FRMD6: variants seen among roughly 807,000 people sequenced by gnomAD.
FRMD6 encodes FERM domain containing 6.
In FRMD6, 37 loss-of-function variants were observed where a neutral mutation model predicts 73.2. That is an observed-to-expected ratio of 0.51 (90% confidence interval 0.39 to 0.66). The LOEUF (loss-of-function observed/expected upper bound fraction) is 0.66. FRMD6 is among the 30% of genes least tolerant of loss of function. The probability of loss-of-function intolerance (pLI) is 0.00; values close to 1 mark genes in which losing one functional copy is unlikely to be tolerated. For synonymous variants in FRMD6, 273 were observed against 282.2 expected, an observed-to-expected ratio of 0.97 and a Z score of 0.33; for missense variants, 714 against 780.5, an observed-to-expected ratio of 0.91 and a Z score of 1.02.
intron 2 of FRMD6, chr14:51,579,055 A>T (rs562722759): frequency 6.6e-6 from 1 of 152,314 alleles, no homozygotes; most frequent in East Asian, 1.9e-4. Flanking sequence ...GGGGCTGAAG[A>T]TGTATCACTT....
At chr14:51,508,027 G>A (rs931919833) in intron 1 of FRMD6, among the ~76,000 whole-genome samples, 5 of 152,082 alleles carry the variant, frequency 3.3e-5, no homozygotes, top group Admixed American at 2.0e-4. Flanking sequence ...GCCTCCCCCT[G>A]CTACTGAGCG....
chr14:51,670,359 C>T (rs562391475), intron 1 of FRMD6, among the ~76,000 whole-genome samples: 5 of 152,284 alleles, frequency 3.3e-5, no homozygotes, highest in Non-Finnish European at 5.9e-5. Context: ...CATGAGCCAC[C>T]GCACCTGGCC....
chr14:51,655,840 G>T (rs576008843), intron 1 of FRMD6, among the ~76,000 whole-genome samples: 1 of 152,192 alleles, frequency 6.6e-6, no homozygotes, highest in Non-Finnish European at 1.5e-5. Flanking sequence ...GCCTGTCTTT[G>T]TGTTGAATCA....
intron 1 of FRMD6, among the ~76,000 whole-genome samples, chr14:51,513,350 G>T (rs1884426659): frequency 6.6e-6 from 1 of 152,200 alleles, no homozygotes; most frequent in South Asian, 2.1e-4. Flanking sequence ...GGTGACTGTT[G>T]CCTCTTTTGA....
At chr14:51,480,909 T>C in the FRMD6 span, among the ~76,000 whole-genome samples, 2 of 152,244 alleles carry the variant, frequency 1.3e-5, no homozygotes, top group Non-Finnish European at 2.9e-5. Flanking sequence ...TAGCTCACTT[T>C]ACCTCAGTGA....
At chr14:51,437,024 A>C in the FRMD6 span, 1 of 585,532 alleles carries the variant, frequency 1.7e-6, no homozygotes, top group South Asian at 1.7e-5. Flanking sequence ...TCTGGGATAC[A>C]TGTGCACAAC....
At chr14:51,620,628 G>A (rs532439604) in intron 2 of FRMD6, among the ~76,000 whole-genome samples, 3 of 152,278 alleles carry the variant, frequency 2.0e-5, no homozygotes, top group South Asian at 2.1e-4. Context: ...CCCTAGGAAT[G>A]TCACCTTTCC....
At chr14:51,520,515 A>G (rs939144084) in intron 1 of FRMD6, among the ~76,000 whole-genome samples, 30 of 152,256 alleles carry the variant, frequency 2.0e-4, no homozygotes, top group Non-Finnish European at 2.9e-5. Context: ...TATCCTTAAT[A>G]GTCAAATACT....
At chr14:51,517,134 G>T (rs1884679122) in intron 1 of FRMD6, among the ~76,000 whole-genome samples, 1 of 152,144 alleles carries the variant, frequency 6.6e-6, no homozygotes, top group Non-Finnish European at 1.5e-5. Context: ...CTAAAATTTG[G>T]AACTGGGAAA....
intron 7 of FRMD6, 43 bp from the exon 8 acceptor site, chr14:51,711,487 AT>A: frequency 7.5e-7 from 1 of 1,338,328 alleles, no homozygotes; most frequent in Non-Finnish European, 1.0e-6. Flanking sequence ...TGTAGAAAAA[AT>A]ATATAAAAAC....
At position 51,712,484 on chromosome 14, in the gene FRMD6, A is replaced by G. The variant is rs1040567458; in HGVS notation, c.782A>G (p.Asn261Ser). 6.3e-7 allele frequency: 1 copy of G among 1,577,374 alleles called. No homozygotes were observed. Among genetic ancestry groups the G allele is most frequent in the African/African-American group, 1.4e-5 (1 of 74,014 alleles). ...LTMRGIQIFQ[N>S]LDEEKQLLYD... ...TCCATATGCATATTCTTTTCACAGAATTTAGATGAAGAGAAACAATTACTT... is the reference window on the plus strand; with the variant it reads ...TCCATATGCATATTCTTTTCACAGAGTTTAGATGAAGAGAAACAATTACTT... Residue 261 changes from asparagine to serine, a missense_variant and splice_region_variant, in exon 9 of 14, where the codon AAT (asparagine) becomes AGT (serine). Coordinates refer to ENST00000344768, the MANE Select transcript of FRMD6 (RefSeq NM_001267046.2).
At chr14:51,408,508 A>ATC in the FRMD6 span, among the ~76,000 whole-genome samples, 1 of 151,992 alleles carries the variant, frequency 6.6e-6, no homozygotes, top group African/African-American at 2.4e-5. Flanking sequence ...ATTTCTTCTG[A>ATC]TCTCTCTTCC....
rs564174420 is a variant in FRMD6, at chr14:51,635,466, A to T, written c.-146-54225A>T. On this transcript the variant is annotated intron_variant, in intron 2 of 14. Transcript: ENST00000356218. Reference sequence around the variant, plus strand: ...ACCCAATGCCATTCTGAATTACAGGAGCCCAAGTACTGGCAAACACAATCT... The same window carrying T: ...ACCCAATGCCATTCTGAATTACAGGTGCCCAAGTACTGGCAAACACAATCT... Among the ~76,000 whole-genome samples the T allele has an allele frequency of 2.2e-4, 33 of 152,362 alleles. No homozygotes were observed. The South Asian group carries it at 6.6e-3, about 31-fold the overall frequency.
At chr14:51,541,135 G>A (rs148267750) in intron 1 of FRMD6, among the ~76,000 whole-genome samples, 21 of 152,194 alleles carry the variant, frequency 1.4e-4, no homozygotes, top group African/African-American at 4.8e-4. Context: ...GTACTCATAG[G>A]CAAGTTTCCA....
chr14:51,667,123 A>G (rs1893658068), intron 1 of FRMD6, among the ~76,000 whole-genome samples: 1 of 152,128 alleles, frequency 6.6e-6, no homozygotes, highest in Admixed American at 6.5e-5. Flanking sequence ...AGCCTGGGTG[A>G]CAGAGCAAGA....
chr14:51,421,794 A>G, the FRMD6 span, among the ~76,000 whole-genome samples: 2 of 152,234 alleles, frequency 1.3e-5, no homozygotes, highest in African/African-American at 2.4e-5. Flanking sequence ...ACAGGAGACC[A>G]GGTTTTAAAC....
At chr14:51,494,924 G>A (rs11625223) in intron 1 of FRMD6, among the ~76,000 whole-genome samples, 24,446 of 152,102 alleles carry the variant, frequency 0.16, 2,272 homozygotes, top group Non-Finnish European at 0.22. Flanking sequence ...CCAAATATAC[G>A]TTCTCATTCT....
chr14:51,396,663 G>A, the FRMD6 span, among the ~76,000 whole-genome samples: 2 of 152,290 alleles, frequency 1.3e-5, no homozygotes, highest in Admixed American at 1.3e-4. Flanking sequence ...TAACATTCCT[G>A]CTCATCGGAA....
chr14:51,440,109 C>A, the FRMD6 span, among the ~76,000 whole-genome samples: 50 of 152,110 alleles, frequency 3.3e-4, no homozygotes, highest in Non-Finnish European at 7.4e-5. Context: ...GAAAGCGCAG[C>A]GCCCTTGATC....
Sources: gnomAD v4.1 joint callset for allele counts (sites outside exome capture counted in the v4.1 genomes callset) on GRCh38, gnomAD v4.1.1 for gene constraint, MANE v1.5 for transcripts, NCBI Gene and HGNC (gene_info 2026-07-23, HGNC 2026-07-21) for gene names.